The following LRP1B variants were observed in gnomAD, a reference collection of about 807,000 sequenced individuals.
LRP1B encodes low-density lipoprotein receptor-related protein 1B.
Under a neutral mutation model 556.6 loss-of-function variants are expected in LRP1B, and 217 were observed. The ratio of observed to expected loss-of-function variants is 0.39; its 90% CI spans 0.35 to 0.44. The LOEUF (loss-of-function observed/expected upper bound fraction) is 0.44, where lower values mean the gene tolerates loss of function less well. Among genes scored for constraint, LRP1B ranks in the 20% least tolerant of loss-of-function variants. The pLI, the probability that LRP1B is intolerant of heterozygous loss-of-function variation, is 1.00. For missense variants in LRP1B, 5,053 were observed against 5,620.8 expected, an observed-to-expected ratio of 0.90 and a Z score of 3.23; for synonymous variants, 2,047 against 1,865.8, an observed-to-expected ratio of 1.10 and a Z score of -2.50.
intron 2 of LRP1B, among the ~76,000 whole-genome samples, chr2:141,598,323 A>G (rs1318343162): frequency 6.6e-6 from 1 of 152,080 alleles, no homozygotes; most frequent in African/African-American, 2.4e-5. Context: ...AAGCTATAAA[A>G]CCAAACAGCA....
At chr2:140,736,474 A>C (rs1687949801) in intron 35 of LRP1B, among the ~76,000 whole-genome samples, 1 of 152,176 alleles carries the variant, frequency 6.6e-6, no homozygotes, top group Non-Finnish European at 1.5e-5. Context: ...CTGACTTCAA[A>C]CTATACTACA....
intron 7 of LRP1B, among the ~76,000 whole-genome samples, chr2:141,132,996 A>G (rs1701397980): frequency 6.6e-6 from 1 of 152,012 alleles, no homozygotes; most frequent in Admixed American, 6.6e-5. Flanking sequence ...TGAAAAGTAC[A>G]CCCTGATGTG....
At chr2:140,252,074 A>C (rs1401630720) in intron 86 of LRP1B, among the ~76,000 whole-genome samples, 4 of 115,720 alleles carry the variant, frequency 3.5e-5, no homozygotes, top group Non-Finnish European at 7.5e-5. Flanking sequence ...AAAAAAAAAA[A>C]AAAAAAAAAA....
At chr2:141,545,389 T>C (rs1368760445) in intron 2 of LRP1B, among the ~76,000 whole-genome samples, 3 of 152,212 alleles carry the variant, frequency 2.0e-5, no homozygotes, top group Admixed American at 6.5e-5. Flanking sequence ...GTAGGCAAAA[T>C]AATGGGCCTT....
intron 22 of LRP1B, among the ~76,000 whole-genome samples, chr2:140,906,847 C>T (rs950860274): frequency 2.6e-5 from 4 of 151,440 alleles, no homozygotes; most frequent in African/African-American, 9.7e-5. Flanking sequence ...AACTTAAGTT[C>T]TTTTATTTGT....
At position 140,495,617 on chromosome 2, in the gene LRP1B, T is replaced by A. The variant is rs758163595; in HGVS notation, c.8982A>T (p.Thr2994=). 1 of 1,611,896 alleles carries A rather than the reference T, an allele frequency of 6.2e-7. No homozygotes were observed. The highest frequency in any genetic ancestry group is 1.1e-5 in the South Asian group (1 of 90,870). Residue 2994 remains threonine (T), a synonymous_variant, in exon 56 of 91, where the codon ACA becomes ACT. Coordinates refer to ENST00000389484, the MANE Select transcript of LRP1B (RefSeq NM_018557.3). ...NTYGTYKCLC[T]DGYEIQPDNP... is the part of the protein sequence containing the mutation. ...TATCAGGTTGTATTTCATACCCATC[T>A]GTACAGAGGCACTTGTAAGTCCCGT...
At chr2:141,225,234 G>A (rs1415982187) in intron 6 of LRP1B, among the ~76,000 whole-genome samples, 1 of 152,046 alleles carries the variant, frequency 6.6e-6, no homozygotes, top group Non-Finnish European at 1.5e-5. Flanking sequence ...AACAGAAGCT[G>A]GCTAAATCCA....
chr2:140,409,815 A>G (rs1208053580), intron 66 of LRP1B, among the ~76,000 whole-genome samples: 2 of 152,056 alleles, frequency 1.3e-5, no homozygotes, highest in Non-Finnish European at 1.5e-5. Context: ...ATCTGGTTCT[A>G]ATATCTACAT....
At chr2:140,390,768 T>TCACACA (rs70985096) in intron 66 of LRP1B, among the ~76,000 whole-genome samples, 3,167 of 143,748 alleles carry the variant, frequency 0.022, 35 homozygotes, top group Non-Finnish European at 0.024. Context: ...AATAGAAACT[T>TCACACA]CACACACACA....
chr2:141,036,833 C>T (rs1237736991), intron 11 of LRP1B, among the ~76,000 whole-genome samples: 2 of 151,676 alleles, frequency 1.3e-5, no homozygotes, highest in Non-Finnish European at 2.9e-5. Flanking sequence ...AAAAATTGCC[C>T]GGACACAAAA....
intron 60 of LRP1B, among the ~76,000 whole-genome samples, chr2:140,462,905 A>G (rs1687380913): frequency 6.6e-6 from 1 of 152,218 alleles, no homozygotes; most frequent in African/African-American, 2.4e-5. Context: ...CTCTTTTGAG[A>G]GACCCTGACA....
intron 2 of LRP1B, among the ~76,000 whole-genome samples, chr2:141,482,967 TTTA>T (rs1185786455): frequency 1.3e-5 from 2 of 151,946 alleles, no homozygotes; most frequent in Non-Finnish European, 2.9e-5. Context: ...TTTATTTTAT[TTTA>T]TTATTATTAT....
At chr2:140,929,072 C>A (rs914759995) in intron 20 of LRP1B, among the ~76,000 whole-genome samples, 1 of 151,898 alleles carries the variant, frequency 6.6e-6, no homozygotes, top group African/African-American at 2.4e-5. Flanking sequence ...AAAGTTTTTG[C>A]GAGCTGTTGT....
chr2:141,540,086 C>T (rs547812204), intron 2 of LRP1B, among the ~76,000 whole-genome samples: 1 of 152,140 alleles, frequency 6.6e-6, no homozygotes, highest in Non-Finnish European at 1.5e-5. Context: ...TTGTTCTGTG[C>T]TTAATAGACC....
intron 46 of LRP1B, 84 bp downstream of exon 46, chr2:140,536,497 A>T: frequency 7.5e-7 from 1 of 1,330,272 alleles, no homozygotes; most frequent in Non-Finnish European, 1.0e-6. Flanking sequence ...TATCCACGTA[A>T]ACCACACCGA....
chr2:141,298,954 TAAA>T lies in LRP1B; in HGVS notation c.344-44316_344-44314del, dbSNP rs10714514. Among the ~76,000 whole-genome samples the T allele has an allele frequency of 5.4e-4, 67 of 123,850 alleles. 1 individual carries two copies. Among genetic ancestry groups the T allele is most frequent in the African/African-American group, 1.5e-3 (51 of 32,926 alleles). 81.3% of individuals were successfully genotyped at this position (123,850 alleles called of 152,430 possible). Reference sequence around the variant, plus strand: ...GGGTGACAAGAGCAAAACTCCATCTTAAAAAAAAAAAAAAAAAACCCACAAAAA... The same window carrying T: ...GGGTGACAAGAGCAAAACTCCATCTTAAAAAAAAAAAAAAACCCACAAAAA... On this transcript the variant is annotated intron_variant, in intron 3 of 90. Transcript: ENST00000389484.
chr2:141,612,452 G>C (rs1185218448), intron 2 of LRP1B, among the ~76,000 whole-genome samples: 1 of 152,180 alleles, frequency 6.6e-6, no homozygotes, highest in African/African-American at 2.4e-5. Flanking sequence ...GGGTAGAGTT[G>C]TGGGCACAAG....
chr2:141,912,373 G>A (rs555655371), intron 1 of LRP1B, among the ~76,000 whole-genome samples: 7 of 152,110 alleles, frequency 4.6e-5, no homozygotes, highest in African/African-American at 1.7e-4. Context: ...TTCTTTCTTG[G>A]CATTTAGGAA....
Position 140,233,249 on chromosome 2 carries a change from A to G in LRP1B, c.13737T>C (p.Val4579=), listed in dbSNP as rs1160983825. ...GQNCRNSLGS[V]DERKELLPKK... ...TTGGAAGCAGTTCTTTCCTTTCATC[A>G]ACACTTCCTAAGGAGTTTCGACAGT... is the stretch of plus-strand genomic sequence containing the variant. Residue 4579 remains valine, a synonymous_variant, in exon 91 of 91, where the codon GTT becomes GTC. Coordinates refer to ENST00000389484, the MANE Select transcript of LRP1B (RefSeq NM_018557.3). 5.0e-6 allele frequency: 8 copies of G among 1,605,706 alleles called. No individual in the cohort carries two copies. The highest frequency in any genetic ancestry group is 6.8e-6 in the Non-Finnish European group (8 of 1,174,358).
Sources: gnomAD v4.1 joint callset for allele counts (sites outside exome capture counted in the v4.1 genomes callset) on GRCh38, gnomAD v4.1.1 for gene constraint, MANE v1.5 for transcripts, NCBI Gene and HGNC (gene_info 2026-07-23, HGNC 2026-07-21) for gene names.